Variants in LINGO2 observed in about 807,000 individuals in gnomAD.
The protein encoded by LINGO2 is leucine-rich repeat and immunoglobulin-like domain-containing nogo receptor-interacting protein 2.
Under a neutral mutation model 30.6 loss-of-function variants are expected in LINGO2, and 14 were observed. The observed-to-expected ratio is 0.46, with a 90% CI of 0.30 to 0.72. The LOEUF (loss-of-function observed/expected upper bound fraction) is 0.72. LINGO2 is among the 30% of genes least tolerant of loss of function. The pLI is 0.07. For missense variants in LINGO2, 729 were observed against 751.7 expected (o/e 0.97, Z 0.35); for synonymous variants, 317 against 288.5 (o/e 1.10, Z -1.00).
intron 2 of LINGO2, among the ~76,000 whole-genome samples, chr9:28,432,840 A>G (rs1276214075): frequency 6.6e-6 from 1 of 152,168 alleles, no homozygotes; most frequent in Non-Finnish European, 1.5e-5. Context: ...CGTTGACTTC[A>G]GCTTGACTAC....
chr9:28,436,407 A>G (rs1823923357), intron 2 of LINGO2, among the ~76,000 whole-genome samples: 1 of 150,572 alleles, frequency 6.6e-6, no homozygotes, highest in Non-Finnish European at 1.5e-5. Context: ...TTGAGAGAGA[A>G]GAATAAGGAA....
the LINGO2 span, among the ~76,000 whole-genome samples, chr9:28,986,196 A>C: frequency 5.9e-5 from 9 of 151,892 alleles, no homozygotes; most frequent in South Asian, 1.9e-3. Context: ...TGAGCTCTCT[A>C]TTCTGTTCCA....
chr9:28,592,675 A>G (rs1285045269), intron 1 of LINGO2, among the ~76,000 whole-genome samples: 1 of 152,036 alleles, frequency 6.6e-6, no homozygotes, highest in East Asian at 1.9e-4. Flanking sequence ...GTATGGAGGT[A>G]TGGGTGTTAT....
At chr9:28,793,321 T>C in the LINGO2 span, among the ~76,000 whole-genome samples, 289 of 152,352 alleles carry the variant, frequency 1.9e-3, 1 homozygote, top group African/African-American at 6.9e-3. Context: ...AAAGATCTAA[T>C]AGACCAAAGC....
chr9:28,405,393 C>T (rs1253352664), intron 2 of LINGO2, among the ~76,000 whole-genome samples: 1 of 152,074 alleles, frequency 6.6e-6, no homozygotes, highest in African/African-American at 2.4e-5. Context: ...TGTCTTCATT[C>T]CTGTCTTCTC....
chr9:29,000,569 T>C, the LINGO2 span, among the ~76,000 whole-genome samples: 1 of 151,990 alleles, frequency 6.6e-6, no homozygotes, highest in African/African-American at 2.4e-5. Context: ...ACTCTAGTCA[T>C]GAAGTTAGTG....
intron 4 of LINGO2, among the ~76,000 whole-genome samples, chr9:28,055,678 C>T (rs1250543890): frequency 6.6e-6 from 1 of 152,106 alleles, no homozygotes; most frequent in African/African-American, 2.4e-5. Context: ...TGTCAAAAAA[C>T]AAAATGCTTC....
the LINGO2 span, among the ~76,000 whole-genome samples, chr9:29,205,664 T>A: frequency 1.3e-5 from 2 of 152,232 alleles, no homozygotes; most frequent in African/African-American, 4.8e-5. Flanking sequence ...ATTAGTAAGG[T>A]CATCTGCGCC....
At chr9:28,909,766 G>T in the LINGO2 span, among the ~76,000 whole-genome samples, 2 of 152,032 alleles carry the variant, frequency 1.3e-5, no homozygotes, top group Non-Finnish European at 2.9e-5. Context: ...AGTTGCTAAA[G>T]AGAGGTACAA....
At chr9:28,829,974 A>G in the LINGO2 span, among the ~76,000 whole-genome samples, 3 of 152,240 alleles carry the variant, frequency 2.0e-5, no homozygotes, top group Non-Finnish European at 4.4e-5. Flanking sequence ...TGTCATCATA[A>G]GGAACATACA....
chr9:28,263,496 C>T (rs550318375), intron 4 of LINGO2, among the ~76,000 whole-genome samples: 17 of 152,034 alleles, frequency 1.1e-4, no homozygotes, highest in Non-Finnish European at 1.3e-4. Flanking sequence ...GGAATTCTGC[C>T]TATCATCCTA....
the LINGO2 span, among the ~76,000 whole-genome samples, chr9:28,779,999 A>G: frequency 1.3e-5 from 2 of 152,246 alleles, no homozygotes; most frequent in East Asian, 3.9e-4. Flanking sequence ...TAAAGTTAAA[A>G]TCTTCTAAAT....
chr9:29,134,331 C>T, the LINGO2 span, among the ~76,000 whole-genome samples: 1 of 152,126 alleles, frequency 6.6e-6, no homozygotes, highest in Non-Finnish European at 1.5e-5. Flanking sequence ...ATCTCTCACA[C>T]ATTATAATTA....
chr9:28,375,106 AC>A (rs1821070749), intron 2 of LINGO2, among the ~76,000 whole-genome samples: 1 of 52,278 alleles, frequency 1.9e-5, no homozygotes, highest in Non-Finnish European at 5.7e-5. Flanking sequence ...ACACACACAC[AC>A]ACACACACAC....
chr9:29,108,529 T>C, the LINGO2 span, among the ~76,000 whole-genome samples: 4 of 152,162 alleles, frequency 2.6e-5, no homozygotes, highest in Non-Finnish European at 4.4e-5. Flanking sequence ...ATGCTACCAA[T>C]TAAAAGCTTA....
intron 3 of LINGO2, among the ~76,000 whole-genome samples, chr9:28,371,149 C>CT (rs1820879471): frequency 6.6e-6 from 1 of 152,046 alleles, no homozygotes; most frequent in African/African-American, 2.4e-5. Flanking sequence ...AATTATTTTC[C>CT]TTTTTTAATT....
chr9:28,763,158 T>C, the LINGO2 span, among the ~76,000 whole-genome samples: 1 of 151,872 alleles, frequency 6.6e-6, no homozygotes, highest in Non-Finnish European at 1.5e-5. Context: ...CTGTCAAAAT[T>C]AAAAACACAA....
At chr9:29,149,035 C>T in the LINGO2 span, among the ~76,000 whole-genome samples, 1 of 152,070 alleles carries the variant, frequency 6.6e-6, no homozygotes, top group South Asian at 2.1e-4. Flanking sequence ...TATCGGTTGT[C>T]ACAGAGGAGG....
intron 4 of LINGO2, among the ~76,000 whole-genome samples, chr9:28,152,329 C>T (rs1828023565): frequency 6.6e-6 from 1 of 152,096 alleles, no homozygotes; most frequent in Non-Finnish European, 1.5e-5. Context: ...TGCTTTCTTT[C>T]TCGCCATGTG....
Sources: gnomAD v4.1 joint callset for allele counts (sites outside exome capture counted in the v4.1 genomes callset) on GRCh38, gnomAD v4.1.1 for gene constraint, MANE v1.5 for transcripts, NCBI Gene and HGNC (gene_info 2026-07-23, HGNC 2026-07-21) for gene names.